Variants in GPS2 observed in about 807,000 individuals in gnomAD.
The protein encoded by GPS2 is GPS-2.
In GPS2, 22 loss-of-function variants were observed where a neutral mutation model predicts 48.1. That is an observed-to-expected ratio of 0.46 (90% CI 0.33 to 0.65). The LOEUF is 0.65. Ranked by LOEUF, GPS2 falls within the 30% of genes least tolerant of loss-of-function variation. The probability of loss-of-function intolerance (pLI) is 0.03; values close to 1 mark genes in which losing one functional copy is unlikely to be tolerated. For missense variants in GPS2, 366 were observed against 406.8 expected (o/e 0.90, Z 0.86); for synonymous variants, 202 against 142.5 (o/e 1.42, Z -2.98).
intron 5 of GPS2, 44 bp from the exon 6 acceptor site, chr17:7,314,032 T>A (rs767563056): frequency 2.9e-5 from 47 of 1,605,360 alleles, no homozygotes; most frequent in Non-Finnish European, 3.8e-5. Context: ...TGGGAGGCTG[T>A]GACCTCCAAG....
intron 10 of GPS2, 48 bp from the exon 11 acceptor site, chr17:7,312,887 C>T (rs1385031250): frequency 3.8e-6 from 6 of 1,561,272 alleles, no homozygotes; most frequent in Admixed American, 1.7e-5. Flanking sequence ...CATACTCTCC[C>T]TTCCACTTAA....
intron 9 of GPS2, 21 bp downstream of exon 9, chr17:7,313,191 C>T (rs1433194041): frequency 6.2e-7 from 1 of 1,612,630 alleles, no homozygotes; most frequent in South Asian, 1.1e-5. Context: ...TAACCCTGAC[C>T]TCCCAAGGTG....
intron 4 of GPS2, 24 bp from the exon 5 acceptor site, chr17:7,314,183 AAAGTC>A: frequency 3.7e-6 from 6 of 1,605,874 alleles, no homozygotes; most frequent in Non-Finnish European, 5.1e-6. Flanking sequence ...AAGACAGGTC[AAAGTC>A]AAGGACAGAT....
chr17:7,313,609 C>T lies in GPS2; in HGVS notation c.593G>A (p.Gly198Glu), dbSNP rs754766975. The T allele has an allele frequency of 6.2e-7, 1 of 1,614,024 alleles. No homozygotes were observed. The highest frequency in any genetic ancestry group is 1.1e-5 in the South Asian group (1 of 91,076). Residue 198 changes from glycine (G) to glutamate (E), a missense_variant, in exon 7 of 11, where the codon GGG (glycine) becomes GAG (glutamate). Gly to Glu is a moderately conservative substitution (Grantham distance 98). Transcript: ENST00000380728. ...AGGACTATAAGCTGGCTGTGTGGGC[C>T]CATAGTGAGGTGGGGGCTGAGCAGT... Reference protein sequence around the residue: ...YGTAQPPPHYGPTQPAYSPSQ... With the variant: ...YGTAQPPPHYEPTQPAYSPSQ...
chr17:7,314,467 A>G (rs1236382847), intron 3 of GPS2, 21 bp downstream of exon 3: 3 of 1,614,162 alleles, frequency 1.9e-6, no homozygotes, highest in South Asian at 1.1e-5. Context: ...CAAAGCTGGG[A>G]AAGTTCAAGG....
Position 7,313,708 on chromosome 17 carries a change from A to G in GPS2, c.494T>C (p.Val165Ala). ...CCCTGCAAAAGCAGCTGCTGAGCCC[A>G]CGTAGTGCCGGGTCTAAGGAAGGAG... is the stretch of plus-strand genomic sequence containing the variant. ...GPQVLTTRHY[V>A]GSAAAFAGTP... Residue 165 changes from valine to alanine, a missense_variant, in exon 7 of 11, where the codon GTG (valine) becomes GCG (alanine). Around this residue, in one of 3 missense-constraint regions of GPS2, gnomAD observed 275 missense variants for 282.3 expected, o/e 0.97. Coordinates refer to ENST00000380728, the MANE Select transcript of GPS2 (RefSeq NM_004489.5). 1.2e-6 allele frequency: 2 copies of G among 1,614,076 alleles called. No individual in the cohort carries two copies. The highest frequency in any genetic ancestry group is 1.7e-6 in the Non-Finnish European group (2 of 1,179,992).
In GPS2 at chr17:7,313,727, G is replaced by C; in HGVS notation, c.481-6C>G. On this transcript the variant is annotated splice_polypyrimidine_tract_variant and splice_region_variant and intron_variant, in intron 6 of 10. Transcript: ENST00000380728. The stretch of plus-strand genomic sequence containing the variant: ...GAGCCCACGTAGTGCCGGGTCTAAG[G>C]AAGGAGAATGAGAACTCGCCTACAA... The C allele has an allele frequency of 6.2e-7, 1 of 1,613,510 alleles. No homozygotes were observed. Among genetic ancestry groups the C allele is most frequent in the Non-Finnish European group, 8.5e-7 (1 of 1,179,600 alleles).
At chr17:7,314,708 C>T (rs1190525738) in intron 2 of GPS2, 111 bp from the exon 3 acceptor site, 16 of 1,573,964 alleles carry the variant, frequency 1.0e-5, no homozygotes, top group Non-Finnish European at 1.4e-5. Context: ...ATGCTCTTTG[C>T]CTCGAGGGGA....
In GPS2 at chr17:7,314,418, G is replaced by C. The variant is rs769928378; in HGVS notation, c.205-15C>G. On this transcript the variant is annotated splice_polypyrimidine_tract_variant and intron_variant, in intron 3 of 10. Coordinates refer to ENST00000380728, the MANE Select transcript of GPS2 (RefSeq NM_004489.5). ...AACTTCAGAATCTGGGATGGGGTGGGAAAAGAAGATGAAGGCAGGGAGAGT... is the reference window on the plus strand; with the variant it reads ...AACTTCAGAATCTGGGATGGGGTGGCAAAAGAAGATGAAGGCAGGGAGAGT... 7 of 1,614,144 alleles carry C rather than the reference G, an allele frequency of 4.3e-6. No individual in the cohort carries two copies. In the East Asian group the frequency reaches 1.3e-4, roughly 31 times the overall value.
chr17:7,314,109 T>G lies in GPS2; in HGVS notation c.368A>C (p.His123Pro). Reference protein sequence around the residue: ...SAAYQQSLTVHTGTHLLSMQG... With the variant: ...SAAYQQSLTVPTGTHLLSMQG... ...CATGCTGAGGAGATGAGTTCCTGTG[T>G]GAACAGTCAGGCTCTGCTGGTATGC... The change falls in exon 5 of 11, where the codon CAC (histidine) becomes CCC (proline). Residue 123 changes from histidine (H) to proline (P), a missense_variant. By Grantham distance (77) the His-to-Pro change is moderately conservative. This residue lies in a region of GPS2 where 275 missense variants were observed against 282.3 expected (regional missense o/e 0.97). Coordinates refer to ENST00000380728, the MANE Select transcript of GPS2 (RefSeq NM_004489.5). 6.2e-7 allele frequency: 1 copy of G among 1,614,134 alleles called. No homozygotes were observed. Among genetic ancestry groups the G allele is most frequent in the Non-Finnish European group, 8.5e-7 (1 of 1,179,990 alleles).
At position 7,313,025 on chromosome 17, in the gene GPS2, T is replaced by C; in HGVS notation, c.900+4A>G. 1 of 1,544,888 alleles carries C rather than the reference T, an allele frequency of 6.5e-7. No individual in the cohort carries two copies. Among genetic ancestry groups the C allele is most frequent in the Non-Finnish European group, 8.7e-7 (1 of 1,143,488 alleles). On this transcript the variant is annotated splice_donor_region_variant and intron_variant, in intron 10 of 10. Transcript: ENST00000380728. The stretch of plus-strand genomic sequence containing the variant: ...TGACAGGTAAATTCTATTACCATTC[T>C]TACCTTTCCTGCTGGCTGCATCTGC...
Position 7,313,245 on chromosome 17 carries a change from T to C in GPS2, c.771A>G (p.Glu257=), listed in dbSNP as rs144209448. The C allele has an allele frequency of 3.8e-4, 615 of 1,614,180 alleles. 1 individual carries two copies. The highest frequency in any genetic ancestry group is 4.9e-4 in the Non-Finnish European group (580 of 1,180,024). The change falls in exon 9 of 11, where the codon GAA becomes GAG. Residue 257 remains glutamate, a synonymous_variant. Transcript: ENST00000380728. ...GGALSLQKQM[E]HANQQTGFSD... is the part of the protein sequence containing the mutation. ...AGAAGCCAGTCTGCTGGTTAGCATG[T>C]TCCATCTGCTTTTGCAAGGACAGGG...
chr17:7,312,834 G>C lies in GPS2; in HGVS notation c.906C>G (p.Gly302=). 6.2e-7 allele frequency: 1 copy of C among 1,613,802 alleles called. No homozygotes were observed. The highest frequency in any genetic ancestry group is 8.5e-7 in the Non-Finnish European group (1 of 1,179,756). The part of the protein sequence containing the change: ...PVQMQPAGKS[G]FAATSQPGPR... Reference sequence around the variant, plus strand: ...GGCCAGGTTGGCTGGTAGCTGCAAAGCCCGACTGGTGGTGGTGATGAAAAG... The same window carrying C: ...GGCCAGGTTGGCTGGTAGCTGCAAACCCCGACTGGTGGTGGTGATGAAAAG... The change falls in exon 11 of 11, where the codon GGC becomes GGG. Residue 302 remains glycine (G), a synonymous_variant. Transcript: ENST00000380728.
Position 7,315,123 on chromosome 17 carries a change from C to G in GPS2, c.-67-4G>C, listed in dbSNP as rs1356849871. 1 of 1,229,910 alleles carries G rather than the reference C, an allele frequency of 8.1e-7. No individual in the cohort carries two copies. The highest frequency in any genetic ancestry group is 1.1e-6 in the Non-Finnish European group (1 of 919,638). The allele number at this position is 1,229,910 out of a possible 1,614,324, so 76.2% of individuals were successfully genotyped here. On this transcript the variant is annotated splice_polypyrimidine_tract_variant and splice_region_variant and intron_variant, in intron 1 of 10. Coordinates refer to ENST00000380728, the MANE Select transcript of GPS2 (RefSeq NM_004489.5). ...ACTGCCAGACCTCAGACGGGGCCTG[C>G]GGGGAGGCGGGCGCTCAGAGGGGGC... is the stretch of plus-strand genomic sequence containing the variant.
rs372039533 is a variant in GPS2 at position 7,313,376 on chromosome 17, T to C, written c.724+4A>G. ...GCTAGAGCTCCTGCATGGGATGTTATCACCTGTCTGAGTGGGCTGAAAGTG... is the reference window on the plus strand; with the variant it reads ...GCTAGAGCTCCTGCATGGGATGTTACCACCTGTCTGAGTGGGCTGAAAGTG... On this transcript the variant is annotated splice_donor_region_variant and intron_variant, in intron 8 of 10. Transcript: ENST00000380728. 24 of 1,613,720 alleles carry C rather than the reference T, an allele frequency of 1.5e-5. No homozygotes were observed. The highest frequency in any genetic ancestry group is 2.0e-5 in the Non-Finnish European group (24 of 1,179,752).
Position 7,313,864 on chromosome 17 carries a change from G to A in GPS2, c.480+42C>T, listed in dbSNP as rs374044574. On this transcript the variant is annotated intron_variant, in intron 6 of 10. Coordinates refer to ENST00000380728, the MANE Select transcript of GPS2 (RefSeq NM_004489.5). Reference sequence around the variant, plus strand: ...TTGAATACTGGTGGCAAGGATGCATGGATGGAAGTACTAGGGGCTAGGCAT... The same window carrying A: ...TTGAATACTGGTGGCAAGGATGCATAGATGGAAGTACTAGGGGCTAGGCAT... The A allele has an allele frequency of 5.1e-6, 8 of 1,581,920 alleles. No homozygotes were observed. The Admixed American group carries it at 6.7e-5, about 13-fold the overall frequency.
Position 7,313,074 on chromosome 17 carries a change from G to GAGTCCAGGGGCTGGATGC in GPS2, c.837_854dup (p.His280_Leu285dup). ...GCACAGGGAGCTGGGGGGAAGCAAG[G>GAGTCCAGGGGCTGGATGC]AGTCCAGGGGCTGGATGCAGAGCCT... On this transcript the variant is annotated inframe_insertion, in exon 10 of 11. Coordinates refer to ENST00000380728, the MANE Select transcript of GPS2 (RefSeq NM_004489.5). 1 of 1,562,528 alleles carries GAGTCCAGGGGCTGGATGC rather than the reference G, an allele frequency of 6.4e-7. No homozygotes were observed. Among genetic ancestry groups the GAGTCCAGGGGCTGGATGC allele is most frequent in the South Asian group, 1.2e-5 (1 of 82,836 alleles).
Sources: gnomAD v4.1 joint callset for allele counts on GRCh38, gnomAD v4.1.1 for gene constraint, gnomAD v4.1.1 regional missense constraint, MANE v1.5 for transcripts, NCBI Gene and HGNC (gene_info 2026-07-23, HGNC 2026-07-21) for gene names.